PDE4B: variants seen among roughly 807,000 people sequenced by gnomAD.
The protein encoded by PDE4B is phosphodiesterase 4B.
Under a neutral mutation model 82.2 loss-of-function variants are expected in PDE4B, and 20 were observed. The observed-to-expected ratio is 0.24, with a 90% CI of 0.17 to 0.35. PDE4B has a LOEUF of 0.35. PDE4B is among the 10% of genes least tolerant of loss of function. The pLI is 1.00. For synonymous variants in PDE4B, 320 were observed against 318.9 expected, an observed-to-expected ratio of 1.00 and a Z score of -0.04; for missense variants, 655 against 907.2, an observed-to-expected ratio of 0.72 and a Z score of 3.57.
intron 3 of PDE4B, among the ~76,000 whole-genome samples, chr1:66,000,636 A>G (rs1401338786): frequency 6.6e-6 from 1 of 152,186 alleles, no homozygotes; most frequent in African/African-American, 2.4e-5. Flanking sequence ...TCAACTTCTC[A>G]GGTTGCTTCT....
At chr1:66,072,190 A>C (rs1570150634) in intron 3 of PDE4B, among the ~76,000 whole-genome samples, 1 of 152,260 alleles carries the variant, frequency 6.6e-6, no homozygotes, top group South Asian at 2.1e-4. Context: ...AAGGTCCATG[A>C]ATACCATGTA....
At chr1:66,371,080 AC>A (rs2050746863) in intron 16 of PDE4B, among the ~76,000 whole-genome samples, 1 of 131,766 alleles carries the variant, frequency 7.6e-6, no homozygotes, top group Non-Finnish European at 1.6e-5. Flanking sequence ...ATATATATAT[AC>A]ACACACATCA....
chr1:66,100,241 TG>T (rs1315262632), intron 3 of PDE4B, among the ~76,000 whole-genome samples: 1 of 151,970 alleles, frequency 6.6e-6, no homozygotes, highest in East Asian at 1.9e-4. Context: ...TTAGTAGAGA[TG>T]GGGTTTCCTC....
At chr1:66,188,780 G>C (rs1038453781) in intron 3 of PDE4B, among the ~76,000 whole-genome samples, 66 of 151,916 alleles carry the variant, frequency 4.3e-4, no homozygotes, top group African/African-American at 1.2e-3. Flanking sequence ...GGTCTTGACT[G>C]TTTATCCAAT....
At chr1:66,185,755 A>G (rs1214193960) in intron 3 of PDE4B, among the ~76,000 whole-genome samples, 5 of 152,054 alleles carry the variant, frequency 3.3e-5, no homozygotes, top group African/African-American at 9.7e-5. Flanking sequence ...AGATGAGTAG[A>G]TTGCAAAAAT....
At chr1:65,887,693 C>T (rs1646806932) in intron 1 of PDE4B, among the ~76,000 whole-genome samples, 1 of 151,920 alleles carries the variant, frequency 6.6e-6, no homozygotes, top group African/African-American at 2.4e-5. Flanking sequence ...GCTGGGATTA[C>T]AGGCATGAGC....
chr1:66,321,498 T>G (rs1231609671), intron 7 of PDE4B, among the ~76,000 whole-genome samples: 1 of 152,156 alleles, frequency 6.6e-6, no homozygotes, highest in African/African-American at 2.4e-5. Flanking sequence ...TTAGGTAATT[T>G]TCAAAGAGGA....
chr1:66,166,251 T>C (rs1252075016), intron 3 of PDE4B, among the ~76,000 whole-genome samples: 1 of 152,080 alleles, frequency 6.6e-6, no homozygotes, highest in African/African-American at 2.4e-5. Context: ...CCAAAGTGAA[T>C]CATAGATCTA....
At chr1:65,954,520 A>G (rs1335777150) in intron 3 of PDE4B, among the ~76,000 whole-genome samples, 1 of 151,992 alleles carries the variant, frequency 6.6e-6, no homozygotes, top group Non-Finnish European at 1.5e-5. Flanking sequence ...TGATCTTATC[A>G]TGATCTCAGA....
At chr1:66,035,786 A>G (rs1315801089) in intron 3 of PDE4B, among the ~76,000 whole-genome samples, 1 of 152,202 alleles carries the variant, frequency 6.6e-6, no homozygotes, top group Non-Finnish European at 1.5e-5. Flanking sequence ...GCTATAATGA[A>G]TATTGCTGCA....
intron 12 of PDE4B, among the ~76,000 whole-genome samples, chr1:66,363,932 T>A (rs1045598205): frequency 1.4e-4 from 21 of 152,170 alleles, no homozygotes; most frequent in African/African-American, 4.8e-4. Context: ...TTTCTACTTG[T>A]TTTGCTTTCT....
intron 3 of PDE4B, among the ~76,000 whole-genome samples, chr1:66,011,969 A>G (rs1010780152): frequency 3.3e-5 from 5 of 152,138 alleles, no homozygotes; most frequent in Non-Finnish European, 7.4e-5. Flanking sequence ...TTCTTTCTAC[A>G]TATTCAGTTA....
chr1:66,027,384 C>T (rs1341485449), intron 3 of PDE4B, among the ~76,000 whole-genome samples: 1 of 152,172 alleles, frequency 6.6e-6, no homozygotes, highest in Non-Finnish European at 1.5e-5. Flanking sequence ...CCCTGGGTCC[C>T]TCCCACAACA....
intron 3 of PDE4B, among the ~76,000 whole-genome samples, chr1:66,199,836 G>A (rs1648716764): frequency 6.6e-6 from 1 of 152,156 alleles, no homozygotes; most frequent in African/African-American, 2.4e-5. Context: ...CTGTGCAGAA[G>A]CTCATTAGTT....
chr1:66,114,491 TTTA>T (rs1645552296), intron 3 of PDE4B, among the ~76,000 whole-genome samples: 3 of 152,126 alleles, frequency 2.0e-5, no homozygotes, highest in South Asian at 2.1e-4. Flanking sequence ...AGTTCAGAAT[TTTA>T]TTATTAGTCT....
intron 2 of PDE4B, 84 bp from the exon 3 acceptor site, chr1:65,918,513 C>A: frequency 1.3e-6 from 1 of 776,166 alleles, no homozygotes. Flanking sequence ...ACAGCTTGAT[C>A]ATTTAGTTTC....
At chr1:66,153,359 C>A (rs567338486) in intron 3 of PDE4B, among the ~76,000 whole-genome samples, 1 of 152,336 alleles carries the variant, frequency 6.6e-6, no homozygotes, top group South Asian at 2.1e-4. Context: ...CTCTTCCTCT[C>A]TTGAACCCCC....
At chr1:66,144,639 T>G (rs1207750839) in intron 3 of PDE4B, among the ~76,000 whole-genome samples, 1 of 152,210 alleles carries the variant, frequency 6.6e-6, no homozygotes, top group Non-Finnish European at 1.5e-5. Flanking sequence ...GGAGGCTCAA[T>G]CATTCAACAG....
At position 65,959,205 on chromosome 1, in the gene PDE4B, A is replaced by C. The variant is rs543608295; in HGVS notation, c.281+40370A>C. Among the ~76,000 whole-genome samples the C allele has an allele frequency of 2.0e-5, 3 of 152,294 alleles. No homozygotes were observed. In the South Asian group the frequency reaches 6.2e-4, roughly 32 times the overall value. On this transcript the variant is annotated intron_variant, in intron 3 of 16. Transcript: ENST00000341517. Reference sequence around the variant, plus strand: ...ACATTCATTGAAATTTAGTTTTGAAAACAATACTCTCTGATTAGCATTTAT... The same window carrying C: ...ACATTCATTGAAATTTAGTTTTGAACACAATACTCTCTGATTAGCATTTAT...
Sources: gnomAD v4.1 joint callset for allele counts (sites outside exome capture counted in the v4.1 genomes callset) on GRCh38, gnomAD v4.1.1 for gene constraint, MANE v1.5 for transcripts, NCBI Gene and HGNC (gene_info 2026-07-23, HGNC 2026-07-21) for gene names.